CORO2B: variants seen among roughly 807,000 people sequenced by gnomAD.
CORO2B encodes coronin-2B.
A neutral mutation model predicts 58.8 loss-of-function variants in CORO2B; 26 were observed. That is an observed-to-expected ratio of 0.44 (90% CI 0.32 to 0.61). The LOEUF (loss-of-function observed/expected upper bound fraction) is 0.61. Ranked by LOEUF, CORO2B falls within the 20% of genes least tolerant of loss-of-function variation. CORO2B has a pLI of 0.04. For missense variants in CORO2B, 460 were observed against 645.1 expected (o/e 0.71, Z 3.11); for synonymous variants, 242 against 253.8 (o/e 0.95, Z 0.44).
chr15:68,568,098 T>C, the CORO2B span, among the ~76,000 whole-genome samples: 1 of 152,236 alleles, frequency 6.6e-6, no homozygotes, highest in Non-Finnish European at 1.5e-5. Flanking sequence ...GATCTGGCAA[T>C]GGGGCCACCC....
intron 2 of CORO2B, among the ~76,000 whole-genome samples, chr15:68,657,508 A>T (rs2140283574): frequency 8.0e-6 from 1 of 125,636 alleles, no homozygotes; most frequent in South Asian, 2.8e-4. Flanking sequence ...ACAAAATGAG[A>T]TCCTGTCTCA....
chr15:68,605,843 G>A (rs937136385), intron 1 of CORO2B, among the ~76,000 whole-genome samples: 3 of 150,688 alleles, frequency 2.0e-5, no homozygotes, highest in Admixed American at 6.7e-5. Context: ...TCCTGCCTTG[G>A]CCTCCTGAGT....
At chr15:68,686,918 TA>T (rs1310165081) in intron 2 of CORO2B, among the ~76,000 whole-genome samples, 1 of 148,438 alleles carries the variant, frequency 6.7e-6, no homozygotes, top group African/African-American at 2.5e-5. Context: ...AAAAAGAAAA[TA>T]AAAAAATGAA....
At chr15:68,635,090 G>T (rs1334072540) in intron 1 of CORO2B, among the ~76,000 whole-genome samples, 1 of 152,112 alleles carries the variant, frequency 6.6e-6, no homozygotes, top group African/African-American at 2.4e-5. Flanking sequence ...CCTGGGGCTC[G>T]CACTCCAAGG....
the CORO2B span, among the ~76,000 whole-genome samples, chr15:68,554,251 G>C: frequency 6.6e-6 from 1 of 152,244 alleles, no homozygotes; most frequent in Non-Finnish European, 1.5e-5. Flanking sequence ...GAGTGGACTA[G>C]ACTCACAGGT....
At chr15:68,704,239 G>GA (rs111998279) in intron 3 of CORO2B, among the ~76,000 whole-genome samples, 60 of 138,560 alleles carry the variant, frequency 4.3e-4, no homozygotes, top group African/African-American at 6.6e-4. Flanking sequence ...GACCGTGTCT[G>GA]AAAAAAAAAA....
At chr15:68,638,073 C>T (rs1901089536) in intron 1 of CORO2B, among the ~76,000 whole-genome samples, 1 of 152,048 alleles carries the variant, frequency 6.6e-6, no homozygotes, top group African/African-American at 2.4e-5. Flanking sequence ...ATACTTTTTC[C>T]TTCCGGGCCC....
Position 68,695,268 on chromosome 15 carries a change from G to C in CORO2B, c.333+12G>C. On this transcript the variant is annotated intron_variant, in intron 3 of 11. Coordinates refer to ENST00000261861, the MANE Select transcript of CORO2B (RefSeq NM_006091.5). ...CGGAGGACACGTCGGTGAGCAGAGG[G>C]GTGCTCCCGGAGGAGGGTGGGCTCA... 6.3e-7 allele frequency: 1 copy of C among 1,599,992 alleles called. No individual in the cohort carries two copies. The highest frequency in any genetic ancestry group is 1.1e-5 in the South Asian group (1 of 90,782).
Position 68,695,213 on chromosome 15 carries a change from C to T in CORO2B, c.290C>T (p.Pro97Leu), listed in dbSNP as rs761723811. The stretch of plus-strand genomic sequence containing the variant: ...AATGTGCTGGATATCAAATGGAACC[C>T]CTTCATCGACAACATCATTGCCTCG... ...QGNVLDIKWN[P>L]FIDNIIASCS... Residue 97 changes from proline (P) to leucine (L), a missense_variant, in exon 3 of 12, where the codon CCC (proline) becomes CTC (leucine). Transcript: ENST00000261861. 17 of 1,614,126 alleles carry T rather than the reference C, an allele frequency of 1.1e-5. No individual in the cohort carries two copies. The highest frequency in any genetic ancestry group is 1.4e-5 in the Non-Finnish European group (17 of 1,180,024).
intron 5 of CORO2B, among the ~76,000 whole-genome samples, chr15:68,713,650 T>C (rs1003824694): frequency 2.0e-5 from 3 of 152,066 alleles, no homozygotes; most frequent in Non-Finnish European, 4.4e-5. Context: ...GCCTCCAGGG[T>C]CACACACCTT....
At chr15:68,718,853 G>A (rs372990931) in intron 9 of CORO2B, 43 bp downstream of exon 9, 123 of 1,475,838 alleles carry the variant, frequency 8.3e-5, no homozygotes, top group Non-Finnish European at 1.0e-4. Context: ...GGCCTGCATC[G>A]CCTCTTAGCC....
In CORO2B at chr15:68,726,053, C is replaced by G; in HGVS notation, c.*79C>G. ...CTTAACTTCTCCCTTACCAGTGACC[C>G]CAGAGACAGAGCCAGGACAGGAGTG... On this transcript the variant is annotated 3_prime_UTR_variant, in exon 12 of 12. Coordinates refer to ENST00000261861, the MANE Select transcript of CORO2B (RefSeq NM_006091.5). 1 of 1,573,358 alleles carries G rather than the reference C, an allele frequency of 6.4e-7. No homozygotes were observed.
intron 1 of CORO2B, among the ~76,000 whole-genome samples, chr15:68,589,577 A>G (rs1899648026): frequency 6.6e-6 from 1 of 152,252 alleles, no homozygotes; most frequent in Non-Finnish European, 1.5e-5. Context: ...CCAAGGGGGT[A>G]TAGGAAAGAT....
intron 1 of CORO2B, among the ~76,000 whole-genome samples, chr15:68,619,046 C>A (rs1444814376): frequency 6.6e-6 from 1 of 152,158 alleles, no homozygotes; most frequent in African/African-American, 2.4e-5. Context: ...TCTCCCTAGT[C>A]AGGTCAGCAG....
chr15:68,614,309 A>G (rs1275680694), intron 1 of CORO2B, among the ~76,000 whole-genome samples: 1 of 152,252 alleles, frequency 6.6e-6, no homozygotes, highest in African/African-American at 2.4e-5. Context: ...ATTTAAATAT[A>G]TTGCAAAAGG....
rs181517669 is a variant in CORO2B at position 68,641,265 on chromosome 15, G to A, written c.16-3895G>A. On this transcript the variant is annotated intron_variant, in intron 1 of 11. Transcript: ENST00000261861. ...ATGCCTGCTCACCCCGAGCCTGAGC[G>A]CTGTGGTCCCCCAGGATGCAGCATC... is the stretch of plus-strand genomic sequence containing the variant. Among the ~76,000 whole-genome samples, 74 of 152,330 alleles carry A rather than the reference G, an allele frequency of 4.9e-4. 1 individual carries two copies. The South Asian group carries it at 0.011, about 23-fold the overall frequency.
chr15:68,705,992 A>G (rs887214226), intron 3 of CORO2B, among the ~76,000 whole-genome samples: 16 of 152,156 alleles, frequency 1.1e-4, no homozygotes, highest in African/African-American at 3.9e-4. Context: ...TTACCCTGGC[A>G]TAGGTGTAAC....
the CORO2B span, among the ~76,000 whole-genome samples, chr15:68,541,755 T>A: frequency 6.6e-6 from 1 of 152,228 alleles, no homozygotes; most frequent in Admixed American, 6.5e-5. Context: ...TTTCGGGTGA[T>A]TCTTTCGCTG....
At chr15:68,575,577 G>GCGCCCCC (rs370419859), upstream of CORO2B, among the ~76,000 whole-genome samples, 1 of 38,752 alleles carries the variant, frequency 2.6e-5, no homozygotes, top group African/African-American at 6.6e-5. Context: ...CTTGTGATCT[G>GCGCCCCC]CCCCCGCCTC....
Sources: allele counts gnomAD v4.1 joint callset (sites outside exome capture counted in the v4.1 genomes callset), GRCh38; gene constraint gnomAD v4.1.1; transcripts MANE v1.5; gene names NCBI Gene and HGNC (gene_info 2026-07-23, HGNC 2026-07-21).